CAST: variants seen among roughly 807,000 people sequenced by gnomAD.
The protein encoded by CAST is calpastatin, also known as MIR583 host.
In CAST, 76 loss-of-function variants were observed where a neutral mutation model predicts 119.6. That is an observed-to-expected ratio of 0.64 (90% CI 0.53 to 0.77). The LOEUF (loss-of-function observed/expected upper bound fraction) is 0.77. Among genes scored for constraint, CAST ranks in the 30% least tolerant of loss-of-function variants. The probability of loss-of-function intolerance (pLI) is 0.00; values close to 1 mark genes in which losing one functional copy is unlikely to be tolerated. For synonymous variants in CAST, 319 were observed against 331.6 expected, an observed-to-expected ratio of 0.96 and a Z score of 0.41; for missense variants, 953 against 946.5, an observed-to-expected ratio of 1.01 and a Z score of -0.09.
chr5:96,738,286 C>T (rs1419585048), intron 11 of CAST, among the ~76,000 whole-genome samples: 1 of 152,126 alleles, frequency 6.6e-6, no homozygotes, highest in Non-Finnish European at 1.5e-5. Context: ...CGCACCACTG[C>T]ACTCCAGTTT....
chr5:96,168,260 G>A, the CAST span, among the ~76,000 whole-genome samples: 3 of 152,160 alleles, frequency 2.0e-5, no homozygotes, highest in Non-Finnish European at 4.4e-5. Context: ...GCATTGTCCT[G>A]AGCAATGGGA....
chr5:96,746,440 A>G lies in CAST; in HGVS notation c.1284+15A>G, dbSNP rs1763783079. 2 of 1,401,404 alleles carry G rather than the reference A, an allele frequency of 1.4e-6. No individual in the cohort carries two copies. Among genetic ancestry groups the G allele is most frequent in the South Asian group, 1.2e-5 (1 of 86,770 alleles). The allele number at this position is 1,401,404 out of a possible 1,614,324, so 86.8% of individuals were successfully genotyped here. On this transcript the variant is annotated intron_variant, in intron 17 of 31. Transcript: ENST00000675179. ...AACCAGCCACGGTAAATTTTTAGCC[A>G]CAGTGCATGACAACAGCATCTTGCC...
At chr5:96,629,937 G>C (rs553011096) in intron 1 of CAST, among the ~76,000 whole-genome samples, 1 of 152,296 alleles carries the variant, frequency 6.6e-6, no homozygotes, top group Non-Finnish European at 1.5e-5. Context: ...CCCTAAACCA[G>C]CTAAGCCTGC....
At chr5:96,252,941 CT>C in the CAST span, among the ~76,000 whole-genome samples, 1 of 152,036 alleles carries the variant, frequency 6.6e-6, no homozygotes, top group African/African-American at 2.4e-5. Context: ...CATTTGCCAG[CT>C]GTTACGGACT....
the CAST span, among the ~76,000 whole-genome samples, chr5:96,307,300 C>T: frequency 2.0e-5 from 3 of 152,044 alleles, no homozygotes; most frequent in Admixed American, 2.0e-4. Context: ...CTTCCATGTT[C>T]TCAGTCAATA....
the CAST span, among the ~76,000 whole-genome samples, chr5:96,438,104 T>C: frequency 6.6e-6 from 1 of 152,328 alleles, no homozygotes; most frequent in Non-Finnish European, 1.5e-5. Flanking sequence ...TTTGGCATTC[T>C]GCTTGCTCTT....
chr5:96,731,924 C>T (rs1014134849), intron 9 of CAST, among the ~76,000 whole-genome samples: 4 of 152,112 alleles, frequency 2.6e-5, no homozygotes, highest in Admixed American at 2.0e-4. Flanking sequence ...TGGGTTGGTT[C>T]GAAGTCTTTG....
At chr5:96,013,107 G>T in the CAST span, among the ~76,000 whole-genome samples, 1 of 152,046 alleles carries the variant, frequency 6.6e-6, no homozygotes, top group East Asian at 1.9e-4. Flanking sequence ...GACACATCAG[G>T]TACCATTAAA....
the CAST span, among the ~76,000 whole-genome samples, chr5:96,374,012 G>A: frequency 5.9e-5 from 9 of 152,146 alleles, no homozygotes; most frequent in African/African-American, 9.7e-5. Flanking sequence ...ATTGCGGGCA[G>A]CAGTATTTAC....
In CAST at chr5:96,748,788, G is replaced by A. The variant is rs543511289; in HGVS notation, c.1428+175G>A. ...GTGCTTTCTGCCCCAACCTAACCCT[G>A]ATATTCTTGCAATTGAAGTCCTGCA... On this transcript the variant is annotated intron_variant, in intron 19 of 31. Coordinates refer to ENST00000675179, the MANE Select transcript of CAST (RefSeq NM_001750.7). The A allele has an allele frequency of 5.7e-4, 293 of 511,232 alleles. 1 individual carries two copies. Among genetic ancestry groups the A allele is most frequent in the African/African-American group, 4.9e-3 (250 of 50,720 alleles). 31.7% of individuals were successfully genotyped at this position (511,232 alleles called of 1,614,324 possible).
At chr5:96,424,404 T>G in the CAST span, among the ~76,000 whole-genome samples, 1 of 152,178 alleles carries the variant, frequency 6.6e-6, no homozygotes, top group South Asian at 2.1e-4. Flanking sequence ...AATTTTAGAC[T>G]GTAGTTGTTA....
At chr5:96,289,633 C>A in the CAST span, among the ~76,000 whole-genome samples, 1 of 152,102 alleles carries the variant, frequency 6.6e-6, no homozygotes, top group Non-Finnish European at 1.5e-5. Flanking sequence ...GTCAATTAAG[C>A]CTCTTTTCTT....
chr5:96,505,409 G>T, the CAST span, among the ~76,000 whole-genome samples: 1 of 152,026 alleles, frequency 6.6e-6, no homozygotes, highest in Non-Finnish European at 1.5e-5. Flanking sequence ...GAACCCGGGA[G>T]GTGGAGGTTG....
chr5:96,737,662 G>A (rs1392606324), intron 10 of CAST, among the ~76,000 whole-genome samples, 187 bp from the exon 11 acceptor site: 5 of 152,108 alleles, frequency 3.3e-5, no homozygotes, highest in Non-Finnish European at 7.4e-5. Context: ...TTCCAACCTA[G>A]AATTTGTACT....
the CAST span, among the ~76,000 whole-genome samples, chr5:96,335,545 C>T: frequency 6.6e-6 from 1 of 152,196 alleles, no homozygotes; most frequent in South Asian, 2.1e-4. Flanking sequence ...GCCTACCGCT[C>T]TTCTCATTAC....
At chr5:96,509,550 G>C in the CAST span, among the ~76,000 whole-genome samples, 1 of 152,152 alleles carries the variant, frequency 6.6e-6, no homozygotes, top group Non-Finnish European at 1.5e-5. Flanking sequence ...TGGTGCTTCT[G>C]CTATAAATAA....
the CAST span, among the ~76,000 whole-genome samples, chr5:96,447,566 G>C: frequency 6.6e-6 from 1 of 152,142 alleles, no homozygotes; most frequent in South Asian, 2.1e-4. Context: ...AAATAGACAA[G>C]GGCAGAACCT....
Position 96,625,168 on chromosome 5 carries a change from A to C in CAST, c.61-50371A>C, listed in dbSNP as rs566753098. Among the ~76,000 whole-genome samples the C allele has an allele frequency of 2.0e-5, 3 of 152,188 alleles. No homozygotes were observed. The South Asian group carries it at 6.2e-4, about 32-fold the overall frequency. ...TGCAAAGATCATTTTTTTCATGACA[A>C]TTTTCTCTCAAAGGGTCACAAAACA... On this transcript the variant is annotated intron_variant, in intron 1 of 11. Coordinates refer to the CAST transcript ENST00000505143.
At chr5:96,507,031 C>T in the CAST span, among the ~76,000 whole-genome samples, 1 of 152,080 alleles carries the variant, frequency 6.6e-6, no homozygotes, top group South Asian at 2.1e-4. Context: ...AATAAACACA[C>T]AAATAAATAC....
Sources: gnomAD v4.1 joint callset for allele counts (sites outside exome capture counted in the v4.1 genomes callset) on GRCh38, gnomAD v4.1.1 for gene constraint, MANE v1.5 for transcripts, NCBI Gene and HGNC (gene_info 2026-07-23, HGNC 2026-07-21) for gene names.